The following CHD1 variants were observed in gnomAD, a reference collection of about 807,000 sequenced individuals.
CHD1 encodes ATP-dependent chromatin remodeler CHD1.
Under a neutral mutation model 224.2 loss-of-function variants are expected in CHD1, and 36 were observed. That is an observed-to-expected ratio of 0.16 (90% CI 0.12 to 0.21). The LOEUF (loss-of-function observed/expected upper bound fraction) is 0.21. Ranked by LOEUF, CHD1 falls within the 10% of genes least tolerant of loss-of-function variation. CHD1 has a pLI of 1.00. For synonymous variants in CHD1, 668 were observed against 658.3 expected (o/e 1.01, Z -0.23); for missense variants, 1,378 against 1,994.8 (o/e 0.69, Z 5.89).
At chr5:98,881,404 C>CTA in intron 20 of CHD1, 29 bp from the exon 21 acceptor site, 1 of 1,092,576 alleles carries the variant, frequency 9.2e-7, no homozygotes, top group Non-Finnish European at 1.3e-6. Context: ...AAATGCTTAA[C>CTA]ATTAACAGTT....
intron 18 of CHD1, chr5:98,883,841 ATATATATATATATATATAT>A (rs1561507271): frequency 2.1e-5 from 1 of 48,604 alleles, no homozygotes; most frequent in Non-Finnish European, 3.3e-5. Flanking sequence ...ATATATATAT[ATATATATATATATATATAT>A]ATTTTTTTTT....
chr5:98,856,417 C>T lies in CHD1; in HGVS notation c.5096G>A (p.Ser1699Asn), dbSNP rs764868629. 1.2e-5 allele frequency: 19 copies of T among 1,613,430 alleles called. No homozygotes were observed. The East Asian group carries it at 3.6e-4, about 30-fold the overall frequency. The change falls in exon 36 of 36, where the codon AGT (serine) becomes AAT (asparagine). Residue 1699 changes from serine to asparagine, a missense_variant. Physicochemically the swap from Ser to Asn is conservative, Grantham distance 46. This residue lies in a region of CHD1 where 278 missense variants were observed against 298.5 expected (regional missense o/e 0.93). Transcript: ENST00000614616. ...ACTACTCCAGGTATGCTCCGGTGTA[C>T]TTTTGTGTTCAACTGAATGTTCAAA... ...SPFEHSVEHKSTPEHTWSSRK... is the reference protein window; with the variant it reads ...SPFEHSVEHKNTPEHTWSSRK...
chr5:98,926,220 C>A, intron 2 of CHD1, 114 bp downstream of exon 2: 1 of 634,934 alleles, frequency 1.6e-6, no homozygotes, highest in Non-Finnish European at 2.7e-6. Flanking sequence ...AGAGGAAAAC[C>A]TGAAAACTCT....
chr5:98,893,633 T>A, intron 13 of CHD1, 27 bp from the exon 14 acceptor site: 1 of 1,439,496 alleles, frequency 6.9e-7, no homozygotes, highest in Middle Eastern at 2.4e-4. Context: ...AACAGTATTT[T>A]GAGAGAAAAA....
chr5:98,891,225 C>T (rs1420216984), intron 15 of CHD1, among the ~76,000 whole-genome samples: 10 of 152,046 alleles, frequency 6.6e-5, no homozygotes, highest in Non-Finnish European at 8.8e-5. Context: ...ATGCACCCAC[C>T]ACCACTCCTG....
chr5:98,872,592 T>C (rs145773846), intron 26 of CHD1, 37 bp from the exon 27 acceptor site: 4 of 1,568,972 alleles, frequency 2.5e-6, no homozygotes, highest in Non-Finnish European at 2.6e-6. Flanking sequence ...TTTTTAAAAG[T>C]ATAAAACATA....
intron 22 of CHD1, among the ~76,000 whole-genome samples, chr5:98,880,352 T>C (rs1373870023): frequency 2.0e-5 from 3 of 152,228 alleles, no homozygotes; most frequent in Non-Finnish European, 4.4e-5. Context: ...GCTATAGCTC[T>C]TTCCTCACTA....
At chr5:98,863,698 T>C (rs772248298) in intron 31 of CHD1, 112 bp from the exon 32 acceptor site, 16 of 655,430 alleles carry the variant, frequency 2.4e-5, no homozygotes, top group Non-Finnish European at 3.6e-5. Flanking sequence ...CACTGTTTGA[T>C]AGCAAAATAA....
intron 31 of CHD1, among the ~76,000 whole-genome samples, chr5:98,867,417 A>G (rs1446070581): frequency 6.6e-6 from 1 of 152,218 alleles, no homozygotes; most frequent in African/African-American, 2.4e-5. Context: ...CATTAGGCTC[A>G]TATTTTGTAC....
chr5:98,877,419 G>T, intron 23 of CHD1, among the ~76,000 whole-genome samples: 1 of 152,130 alleles, frequency 6.6e-6, no homozygotes, highest in Admixed American at 6.6e-5. Flanking sequence ...TGGATGAACA[G>T]ATTGATTAGC....
intron 5 of CHD1, 101 bp downstream of exon 5, chr5:98,902,799 T>C (rs1417647011): frequency 1.5e-6 from 1 of 660,692 alleles, no homozygotes; most frequent in Non-Finnish European, 2.6e-6. Flanking sequence ...AACTAAGAAT[T>C]TAGAAGAGTC....
intron 27 of CHD1, 22 bp from the exon 28 acceptor site, chr5:98,872,223 AAT>A (rs761658905): frequency 3.8e-6 from 6 of 1,591,990 alleles, no homozygotes; most frequent in Non-Finnish European, 5.1e-6. Flanking sequence ...GTTAATAACT[AAT>A]GATAAGTTTG....
chr5:98,885,521 G>A (rs1211093672), intron 18 of CHD1, 57 bp downstream of exon 18: 1 of 1,040,088 alleles, frequency 9.6e-7, no homozygotes, highest in African/African-American at 1.6e-5. Context: ...ATATAATAAT[G>A]TAATATACTG....
chr5:98,902,287 G>C (rs1056153384), intron 5 of CHD1, among the ~76,000 whole-genome samples: 2 of 151,830 alleles, frequency 1.3e-5, no homozygotes, highest in African/African-American at 2.4e-5. Flanking sequence ...ACAAATCTTC[G>C]CATTAAAAAT....
intron 2 of CHD1, among the ~76,000 whole-genome samples, chr5:98,924,988 A>G (rs1466418015): frequency 6.6e-6 from 1 of 151,996 alleles, no homozygotes; most frequent in African/African-American, 2.4e-5. Context: ...AAAAAAAAAA[A>G]AAGAAAAAGA....
chr5:98,917,693 A>G (rs1348919663), intron 2 of CHD1, among the ~76,000 whole-genome samples: 1 of 152,178 alleles, frequency 6.6e-6, no homozygotes, highest in Non-Finnish European at 1.5e-5. Context: ...TGAATTCCAG[A>G]AGTCAGTACT....
chr5:98,927,191 T>C (rs1180197684), intron 1 of CHD1, among the ~76,000 whole-genome samples: 2 of 152,178 alleles, frequency 1.3e-5, no homozygotes, highest in Non-Finnish European at 2.9e-5. Context: ...TAATAGAATA[T>C]ACACTATATC....
Position 98,900,859 on chromosome 5 carries a change from A to C in CHD1, c.811T>G (p.Phe271Val). ...TCCATAAATCTTTCTATGGTTTCAA[A>C]TTCCTCTTCCTCAGGTTGAGGAACA... ...EDVPQPEEEE[F>V]ETIERFMDCR... Residue 271 changes from phenylalanine (F) to valine (V), a missense_variant, in exon 7 of 36, where the codon TTT becomes GTT. By Grantham distance (50) the Phe-to-Val change is conservative (BLOSUM62 -1). Transcript: ENST00000614616. 1 of 1,613,010 alleles carries C rather than the reference A, an allele frequency of 6.2e-7. No homozygotes were observed. Among genetic ancestry groups the C allele is most frequent in the East Asian group, 2.2e-5 (1 of 44,866 alleles).
At chr5:98,864,169 G>C (rs1748681784) in intron 31 of CHD1, among the ~76,000 whole-genome samples, 1 of 152,024 alleles carries the variant, frequency 6.6e-6, no homozygotes, top group Non-Finnish European at 1.5e-5. Flanking sequence ...GACATATTAA[G>C]AATTGCATGT....
Sources: allele counts gnomAD v4.1 joint callset (sites outside exome capture counted in the v4.1 genomes callset), GRCh38; gene constraint gnomAD v4.1.1; regional missense constraint gnomAD v4.1.1; transcripts MANE v1.5; gene names NCBI Gene and HGNC (gene_info 2026-07-23, HGNC 2026-07-21).